The following HS6ST3 variants were observed in gnomAD, a reference collection of about 807,000 sequenced individuals.
HS6ST3 encodes the protein heparan-sulfate 6-O-sulfotransferase 3.
In HS6ST3, 12 loss-of-function variants were observed where a neutral mutation model predicts 36.7. The observed-to-expected ratio is 0.33, with a 90% CI of 0.21 to 0.53. The LOEUF is 0.53. Among genes scored for constraint, HS6ST3 ranks in the 20% least tolerant of loss-of-function variants. The probability of loss-of-function intolerance (pLI) is 0.95; values close to 1 mark genes in which losing one functional copy is unlikely to be tolerated. For missense variants in HS6ST3, 584 were observed against 640.9 expected (o/e 0.91, Z 0.96); for synonymous variants, 240 against 257.5 (o/e 0.93, Z 0.65).
At chr13:96,191,015 C>T (rs867259145) in intron 1 of HS6ST3, among the ~76,000 whole-genome samples, 1 of 152,128 alleles carries the variant, frequency 6.6e-6, no homozygotes, top group Admixed American at 6.5e-5. Context: ...AGAAGCTGTT[C>T]GTGTGGCTCC....
chr13:96,541,479 T>C (rs56296000), intron 1 of HS6ST3, among the ~76,000 whole-genome samples: 10,957 of 152,252 alleles, frequency 0.072, 441 homozygotes, highest in Middle Eastern at 0.095. Flanking sequence ...GGGATTTGGG[T>C]ATTTAAGAGT....
intron 1 of HS6ST3, among the ~76,000 whole-genome samples, chr13:96,167,906 A>C (rs2054168971): frequency 6.6e-6 from 1 of 152,260 alleles, no homozygotes; most frequent in Non-Finnish European, 1.5e-5. Flanking sequence ...GATGATGATT[A>C]AGATTTTTGT....
intron 1 of HS6ST3, among the ~76,000 whole-genome samples, chr13:96,760,985 A>T (rs1876957667): frequency 6.6e-6 from 1 of 152,158 alleles, no homozygotes; most frequent in South Asian, 2.1e-4. Context: ...TGACTATGTT[A>T]TCTTTCAGCA....
Position 96,832,365 on chromosome 13 carries a change from G to A in HS6ST3, c.708-125G>A, listed in dbSNP as rs542103966. 1.0e-4 allele frequency: 69 copies of A among 669,922 alleles called. No homozygotes were observed. In the South Asian group the frequency reaches 1.2e-3, roughly 11 times the overall value. 41.5% of individuals were successfully genotyped at this position (669,922 alleles called of 1,614,324 possible). On this transcript the variant is annotated intron_variant, in intron 1 of 1. Coordinates refer to ENST00000376705, the MANE Select transcript of HS6ST3 (RefSeq NM_153456.4). ...TGCATCAATAGACACAAATGCAGGC[G>A]AATACTCTCACATGAACATTTGGCA...
chr13:96,155,474 A>G (rs998563497), intron 1 of HS6ST3, among the ~76,000 whole-genome samples: 44 of 152,206 alleles, frequency 2.9e-4, no homozygotes, highest in Non-Finnish European at 5.1e-4. Context: ...TAGATGTGGC[A>G]CTAGGGAAGG....
At chr13:96,249,572 G>T (rs1369809998) in intron 1 of HS6ST3, among the ~76,000 whole-genome samples, 1 of 152,112 alleles carries the variant, frequency 6.6e-6, no homozygotes, top group Non-Finnish European at 1.5e-5. Context: ...GTCAAAATTA[G>T]ATTATTTACA....
At chr13:96,174,894 G>A (rs1434371355) in intron 1 of HS6ST3, among the ~76,000 whole-genome samples, 2 of 152,066 alleles carry the variant, frequency 1.3e-5, no homozygotes, top group East Asian at 3.9e-4. Context: ...TGGCTTTTGG[G>A]TACAACTTTC....
chr13:96,508,968 C>T (rs1026168268), intron 1 of HS6ST3, among the ~76,000 whole-genome samples: 1 of 152,038 alleles, frequency 6.6e-6, no homozygotes, highest in African/African-American at 2.4e-5. Context: ...ATATTCCTAC[C>T]AGTAGAATAT....
chr13:96,726,639 T>C (rs1211609451), intron 1 of HS6ST3, among the ~76,000 whole-genome samples: 2 of 152,190 alleles, frequency 1.3e-5, no homozygotes, highest in African/African-American at 4.8e-5. Flanking sequence ...ACAATAATGT[T>C]ATCTGTGGGG....
At chr13:96,268,903 C>T (rs2054705917) in intron 1 of HS6ST3, among the ~76,000 whole-genome samples, 1 of 151,892 alleles carries the variant, frequency 6.6e-6, no homozygotes, top group Admixed American at 6.6e-5. Context: ...GTAGGTTGAC[C>T]ACAGGTAGCA....
intron 1 of HS6ST3, among the ~76,000 whole-genome samples, chr13:96,520,632 A>G (rs568996856): frequency 1.3e-5 from 2 of 151,586 alleles, no homozygotes; most frequent in Non-Finnish European, 3.0e-5. Context: ...GAATGTAGCA[A>G]TTTGGCTCTC....
At chr13:96,287,183 A>G (rs1171498488) in intron 1 of HS6ST3, among the ~76,000 whole-genome samples, 1 of 152,212 alleles carries the variant, frequency 6.6e-6, no homozygotes, top group East Asian at 1.9e-4. Context: ...ATGAGCCTCT[A>G]TATAACATCT....
chr13:96,743,519 G>T (rs1876492039), intron 1 of HS6ST3, among the ~76,000 whole-genome samples: 2 of 152,068 alleles, frequency 1.3e-5, no homozygotes, highest in East Asian at 1.9e-4. Context: ...TGCATACTGT[G>T]AGTGAAATCC....
chr13:96,284,796 CCTT>C (rs1420924571), intron 1 of HS6ST3, among the ~76,000 whole-genome samples: 11 of 151,782 alleles, frequency 7.2e-5, no homozygotes, highest in East Asian at 3.9e-4. Context: ...GCTTTTCTCT[CCTT>C]CTTTCTTCTT....
intron 1 of HS6ST3, among the ~76,000 whole-genome samples, chr13:96,099,526 C>T (rs972113520): frequency 6.6e-6 from 1 of 152,136 alleles, no homozygotes; most frequent in Non-Finnish European, 1.5e-5. Context: ...TAAACATATA[C>T]AATTAAATTC....
At chr13:96,716,272 C>T (rs1875694217) in intron 1 of HS6ST3, among the ~76,000 whole-genome samples, 1 of 151,930 alleles carries the variant, frequency 6.6e-6, no homozygotes, top group African/African-American at 2.4e-5. Context: ...AGAAATTAAT[C>T]CAAACAGATA....
chr13:96,416,774 A>C (rs2055535172), intron 1 of HS6ST3, among the ~76,000 whole-genome samples: 1 of 132,780 alleles, frequency 7.5e-6, no homozygotes, highest in Admixed American at 8.2e-5. Context: ...TTTTTTTGAG[A>C]CGGAGTCTCG....
intron 1 of HS6ST3, among the ~76,000 whole-genome samples, chr13:96,168,668 T>C (rs896497455): frequency 1.4e-5 from 2 of 146,032 alleles, no homozygotes. Context: ...GCTACTGCCC[T>C]CCAGCCTGGT....
At chr13:96,370,141 A>C (rs2055282551) in intron 1 of HS6ST3, among the ~76,000 whole-genome samples, 1 of 152,228 alleles carries the variant, frequency 6.6e-6, no homozygotes, top group Non-Finnish European at 1.5e-5. Flanking sequence ...ACTGGTTGCC[A>C]GTCCAATAAA....
Sources: gnomAD v4.1 joint callset for allele counts (sites outside exome capture counted in the v4.1 genomes callset) on GRCh38, gnomAD v4.1.1 for gene constraint, MANE v1.5 for transcripts, NCBI Gene and HGNC (gene_info 2026-07-23, HGNC 2026-07-21) for gene names.